MTMR2: variants seen among roughly 807,000 people sequenced by gnomAD.
The protein encoded by MTMR2 is myotubularin related protein 2.
Under a neutral mutation model 86.9 loss-of-function variants are expected in MTMR2, and 55 were observed. The ratio of observed to expected loss-of-function variants is 0.63; its 90% CI spans 0.51 to 0.79. The LOEUF is 0.79. Ranked by LOEUF, MTMR2 falls within the 30% of genes least tolerant of loss-of-function variation. The probability of loss-of-function intolerance (pLI) is 0.00; values close to 1 mark genes in which losing one functional copy is unlikely to be tolerated. For synonymous variants in MTMR2, 241 were observed against 266.8 expected, an observed-to-expected ratio of 0.90 and a Z score of 0.94; for missense variants, 659 against 772.3, an observed-to-expected ratio of 0.85 and a Z score of 1.74.
intron 1 of MTMR2, among the ~76,000 whole-genome samples, chr11:95,911,803 C>CAACAAACACTTACTT (rs1324697900): frequency 5.9e-5 from 9 of 152,234 alleles, no homozygotes; most frequent in Middle Eastern, 3.4e-3. Context: ...AACACTTGCT[C>CAACAAACACTTACTT]AACAAACACT....
At chr11:95,908,656 A>G (rs894408493) in intron 1 of MTMR2, among the ~76,000 whole-genome samples, 3 of 152,124 alleles carry the variant, frequency 2.0e-5, no homozygotes, top group African/African-American at 7.2e-5. Flanking sequence ...ACACAGACCA[A>G]TGGAACAGAA....
chr11:95,858,466 A>G, intron 6 of MTMR2, 65 bp downstream of exon 6: 1 of 1,064,232 alleles, frequency 9.4e-7, no homozygotes, highest in Non-Finnish European at 1.5e-6. Context: ...GACAGCCTAG[A>G]CAAGTTTCTT....
chr11:95,919,066 G>A (rs1261008921), intron 1 of MTMR2, among the ~76,000 whole-genome samples: 2 of 152,116 alleles, frequency 1.3e-5, no homozygotes, highest in African/African-American at 2.4e-5. Flanking sequence ...GGAATTTCTG[G>A]ACTCAAGCAA....
At chr11:95,918,897 C>G (rs558082934) in intron 1 of MTMR2, among the ~76,000 whole-genome samples, 1 of 152,174 alleles carries the variant, frequency 6.6e-6, no homozygotes, top group African/African-American at 2.4e-5. Flanking sequence ...AATACAGTGG[C>G]ACTATCACAA....
chr11:95,919,714 A>T (rs180847724), intron 1 of MTMR2, among the ~76,000 whole-genome samples: 1 of 152,206 alleles, frequency 6.6e-6, no homozygotes, highest in African/African-American at 2.4e-5. Context: ...TTCAGCTTAG[A>T]CCTGAAATTG....
chr11:95,924,095 T>C lies in MTMR2; in HGVS notation c.-141A>G. On this transcript the variant is annotated 5_prime_UTR_variant, in exon 1 of 15. Transcript: ENST00000346299. The stretch of plus-strand genomic sequence containing the variant: ...GGAGGGAGACCGGAAGCGGCCATGT[T>C]CCCCCAGAGTGCACCGCGCCTGTAG... 1 of 1,071,784 alleles carries C rather than the reference T, an allele frequency of 9.3e-7. No individual in the cohort carries two copies. Among genetic ancestry groups the C allele is most frequent in the Non-Finnish European group, 1.4e-6 (1 of 721,476 alleles). 66.4% of individuals were successfully genotyped at this position (1,071,784 alleles called of 1,614,324 possible). A position where few individuals can be genotyped will look rare whatever the true frequency, so the allele number is the denominator to read the frequency against.
chr11:95,911,377 C>G (rs1039732305), intron 1 of MTMR2, among the ~76,000 whole-genome samples: 3 of 152,120 alleles, frequency 2.0e-5, no homozygotes, highest in African/African-American at 7.2e-5. Flanking sequence ...TCTGTTTTTT[C>G]TCCAGAGTAT....
rs774208121 is a variant in MTMR2 at position 95,847,671 on chromosome 11, G to A, written c.1179+43C>T. 11 of 1,500,904 alleles carry A rather than the reference G, an allele frequency of 7.3e-6. No individual in the cohort carries two copies. The South Asian group carries it at 1.1e-4, about 15-fold the overall frequency. 93.0% of individuals were successfully genotyped at this position (1,500,904 alleles called of 1,614,324 possible). A position where few individuals can be genotyped will look rare whatever the true frequency, so the allele number is the denominator to read the frequency against. On this transcript the variant is annotated intron_variant, in intron 10 of 14. Coordinates refer to ENST00000346299, the MANE Select transcript of MTMR2 (RefSeq NM_016156.6). ...AGTAAAAAGCTAATATAAACAAAGGGGTAGAGAGAGTCTTTGTTTGGGATA... is the reference window on the plus strand; with the variant it reads ...AGTAAAAAGCTAATATAAACAAAGGAGTAGAGAGAGTCTTTGTTTGGGATA...
At chr11:95,909,693 T>C (rs964558168) in intron 1 of MTMR2, among the ~76,000 whole-genome samples, 1 of 152,150 alleles carries the variant, frequency 6.6e-6, no homozygotes, top group African/African-American at 2.4e-5. Flanking sequence ...ATATCATCAA[T>C]GTACTAAATA....
intron 1 of MTMR2, among the ~76,000 whole-genome samples, chr11:95,916,031 A>G (rs1866686138): frequency 6.6e-6 from 1 of 152,068 alleles, no homozygotes; most frequent in Non-Finnish European, 1.5e-5. Context: ...CCAAGATACA[A>G]TTCTCTTTTT....
chr11:95,840,902 A>C (rs2135415105), intron 12 of MTMR2, among the ~76,000 whole-genome samples: 1 of 152,294 alleles, frequency 6.6e-6, no homozygotes, highest in Non-Finnish European at 1.5e-5. Flanking sequence ...CCTTGGGTAA[A>C]TAATTATCTC....
In MTMR2 at chr11:95,844,943, CCTTA is replaced by C. The variant is rs1467988095; in HGVS notation, c.1386+6_1386+9del. 5.7e-6 allele frequency: 9 copies of C among 1,581,776 alleles called. No individual in the cohort carries two copies. The highest frequency in any genetic ancestry group is 3.3e-5 in the Admixed American group (2 of 59,764). On this transcript the variant is annotated splice_donor_region_variant and intron_variant, in intron 11 of 14. Transcript: ENST00000346299. Reference sequence around the variant, plus strand: ...ATGTGATATATCCAAAGTCAAGGTTCCTTACTTACTAGTTGAAATCGATGTCCAA... The same window carrying C: ...ATGTGATATATCCAAAGTCAAGGTTCCTTACTAGTTGAAATCGATGTCCAA...
chr11:95,887,535 T>C (rs1194340413), intron 2 of MTMR2: 1 of 150,818 alleles, frequency 6.6e-6, no homozygotes, highest in Non-Finnish European at 1.5e-5. Flanking sequence ...TCCAGAAATG[T>C]ACAGAGTGCT....
intron 3 of MTMR2, among the ~76,000 whole-genome samples, chr11:95,862,922 G>C (rs1325201252): frequency 6.6e-6 from 1 of 152,128 alleles, no homozygotes; most frequent in Non-Finnish European, 1.5e-5. Flanking sequence ...AAAAATAACA[G>C]TATAAGAAGA....
intron 13 of MTMR2, 114 bp from the exon 14 acceptor site, chr11:95,836,438 C>A (rs1015641625): frequency 9.9e-7 from 1 of 1,013,982 alleles, no homozygotes; most frequent in Non-Finnish European, 1.5e-6. Flanking sequence ...AGGAAGTGGA[C>A]TTGGAGACTT....
At chr11:95,899,102 G>A (rs525087) in intron 1 of MTMR2, among the ~76,000 whole-genome samples, 91,207 of 152,000 alleles carry the variant, frequency 0.6, 29,453 homozygotes, top group African/African-American at 0.85. Flanking sequence ...ACAATAAGTC[G>A]AAGAATAGAT....
intron 6 of MTMR2, among the ~76,000 whole-genome samples, 184 bp downstream of exon 6, chr11:95,858,347 C>G (rs1359919400): frequency 6.6e-6 from 1 of 152,118 alleles, no homozygotes; most frequent in African/African-American, 2.4e-5. Context: ...ATCAGCTAGT[C>G]CAGCTTCCTT....
intron 5 of MTMR2, among the ~76,000 whole-genome samples, chr11:95,860,673 T>C (rs1247402916): frequency 6.6e-6 from 1 of 152,186 alleles, no homozygotes; most frequent in Non-Finnish European, 1.5e-5. Flanking sequence ...TCAATGTGCA[T>C]GGGTGTTAGT....
rs1194675180 is a variant in MTMR2, at chr11:95,836,238, G to A, written c.1680C>T (p.Ser560=). 1 of 1,612,702 alleles carries A rather than the reference G, an allele frequency of 6.2e-7. No homozygotes were observed. The highest frequency in any genetic ancestry group is 8.5e-7 in the Non-Finnish European group (1 of 1,179,136). Residue 560 remains serine, a synonymous_variant, in exon 14 of 15, where the codon TCC becomes TCT. Transcript: ENST00000346299. Reference sequence around the variant, plus strand: ...TGGCTACTGGATAAAGGACATGATTGGAATAGCTCCCATAGAGAGGATTAG... The same window carrying A: ...TGGCTACTGGATAAAGGACATGATTAGAATAGCTCCCATAGAGAGGATTAG... ...DFTNPLYGSY[S]NHVLYPVASM...
Sources: allele counts gnomAD v4.1 joint callset (sites outside exome capture counted in the v4.1 genomes callset), GRCh38; gene constraint gnomAD v4.1.1; transcripts MANE v1.5; gene names NCBI Gene and HGNC (gene_info 2026-07-23, HGNC 2026-07-21).